The following CTNND2 variants were observed in gnomAD, a reference collection of about 807,000 sequenced individuals.
The protein encoded by CTNND2 is catenin delta-2.
In CTNND2, 22 loss-of-function variants were observed where a neutral mutation model predicts 144.4. The ratio of observed to expected loss-of-function variants is 0.15; its 90% CI spans 0.11 to 0.22. CTNND2 has a LOEUF of 0.22. CTNND2 is among the 10% of genes least tolerant of loss of function. The probability of loss-of-function intolerance (pLI) is 1.00; values close to 1 mark genes in which losing one functional copy is unlikely to be tolerated. For missense variants in CTNND2, 1,353 were observed against 1,618.8 expected (o/e 0.84, Z 2.82); for synonymous variants, 751 against 695.6 (o/e 1.08, Z -1.25).
intron 1 of CTNND2, among the ~76,000 whole-genome samples, chr5:11,863,497 C>T (rs564620722): frequency 8.5e-5 from 13 of 152,220 alleles, no homozygotes; most frequent in East Asian, 7.7e-4. Context: ...TAATAACTTC[C>T]GGCAGTAAAT....
At chr5:11,823,687 G>A (rs562120880) in intron 1 of CTNND2, among the ~76,000 whole-genome samples, 1 of 152,218 alleles carries the variant, frequency 6.6e-6, no homozygotes, top group East Asian at 1.9e-4. Context: ...TTCATGCTAT[G>A]TAAAAGGTTT....
chr5:11,077,611 T>C (rs561944656), intron 16 of CTNND2, among the ~76,000 whole-genome samples: 26 of 152,174 alleles, frequency 1.7e-4, no homozygotes, highest in Middle Eastern at 6.8e-3. Context: ...TACACTGAGA[T>C]GAGGAGGGTT....
chr5:11,812,332 G>A (rs1273150577), intron 1 of CTNND2, among the ~76,000 whole-genome samples: 1 of 152,066 alleles, frequency 6.6e-6, no homozygotes, highest in Admixed American at 6.6e-5. Flanking sequence ...GGCATAAGAG[G>A]TCAGTTTCAA....
chr5:11,146,152 A>ACGT (rs34396309), intron 12 of CTNND2, among the ~76,000 whole-genome samples: 95,691 of 151,812 alleles, frequency 0.63, 30,179 homozygotes, highest in East Asian at 0.73. Context: ...CACAACTGTC[A>ACGT]CTTCCTCATC....
In CTNND2 at chr5:11,903,800, C is replaced by A. The variant is rs971434286; in HGVS notation, c.37+17G>T. On this transcript the variant is annotated intron_variant, in intron 1 of 21. Coordinates refer to ENST00000304623, the MANE Select transcript of CTNND2 (RefSeq NM_001332.4). This position sits in a 1 kb window ranked among gnomAD's most constrained non-coding sequence, Gnocchi z 5.4. Reference sequence around the variant, plus strand: ...GGAGGCTGCGCCCGGCCCCGGCCGCCCAGCCCCGCAACTCACCCAAAGGCG... The same window carrying A: ...GGAGGCTGCGCCCGGCCCCGGCCGCACAGCCCCGCAACTCACCCAAAGGCG... The A allele has an allele frequency of 4.7e-6, 7 of 1,479,328 alleles. No homozygotes were observed. In the African/African-American group the frequency reaches 7.3e-5, roughly 15 times the overall value. 91.6% of individuals were successfully genotyped at this position (1,479,328 alleles called of 1,614,324 possible). A position where few individuals can be genotyped will look rare whatever the true frequency, so the allele number is the denominator to read the frequency against.
intron 2 of CTNND2, among the ~76,000 whole-genome samples, chr5:11,675,704 C>CAT (rs555033807): frequency 1.3e-5 from 2 of 151,680 alleles, no homozygotes; most frequent in Non-Finnish European, 2.9e-5. Flanking sequence ...ACTGTTACAG[C>CAT]ATATATATAT....
At position 11,531,202 on chromosome 5, in the gene CTNND2, T is replaced by C. The variant is rs571449666; in HGVS notation, c.287+33742A>G. 3.9e-5 allele frequency among the ~76,000 whole-genome samples: 6 copies of C among 152,258 alleles called. No individual in the cohort carries two copies. In the East Asian group the frequency reaches 7.7e-4, roughly 20 times the overall value. On this transcript the variant is annotated intron_variant, in intron 3 of 21. Transcript: ENST00000304623. ...ACCTGGCCAAGGAACATGGGAATAG[T>C]ACCATGAAAATATGTCAAATACAGG...
intron 1 of CTNND2, among the ~76,000 whole-genome samples, chr5:11,834,461 G>A (rs1794067726): frequency 6.6e-6 from 1 of 152,142 alleles, no homozygotes; most frequent in Non-Finnish European, 1.5e-5. Flanking sequence ...AAGTATGTGA[G>A]GGTGATGAAT....
rs548282819 is a variant in CTNND2, at chr5:10,984,381, A to G, written c.3344-2535T>C. On this transcript the variant is annotated intron_variant, in intron 20 of 21. Coordinates refer to ENST00000304623, the MANE Select transcript of CTNND2 (RefSeq NM_001332.4). ...GATAGAAAATGTCACTTGAGGAATA[A>G]GGTGAAATTTTGTTTTTTCTGTTGC... Among the ~76,000 whole-genome samples, 201 of 152,366 alleles carry G rather than the reference A, an allele frequency of 1.3e-3. 4 individuals are homozygous for G. The highest frequency in any genetic ancestry group is 1.3e-3 in the Non-Finnish European group (91 of 68,044).
intron 2 of CTNND2, among the ~76,000 whole-genome samples, chr5:11,592,191 C>T (rs970849441): frequency 2.0e-5 from 3 of 150,992 alleles, no homozygotes; most frequent in Non-Finnish European, 4.4e-5. Context: ...TGCCTTCCTG[C>T]CTGCCTGCCT....
chr5:11,379,077 T>C (rs1473916820), intron 7 of CTNND2, among the ~76,000 whole-genome samples: 1 of 152,184 alleles, frequency 6.6e-6, no homozygotes, highest in African/African-American at 2.4e-5. Flanking sequence ...TGTCTACAAC[T>C]CGTATTTCTT....
chr5:11,203,812 G>A (rs1737762012), intron 10 of CTNND2, among the ~76,000 whole-genome samples: 2 of 152,222 alleles, frequency 1.3e-5, no homozygotes. Flanking sequence ...GCATACAAAT[G>A]ATTAAAATGG....
In CTNND2 at chr5:10,988,352, G is replaced by A. The variant is rs921166012; in HGVS notation, c.3212-110C>T. Reference sequence around the variant, plus strand: ...CATGGTCCCGCATCTCAATGCCTACGTGAGGACCTGATGGGTTTTCTTTTT... The same window carrying A: ...CATGGTCCCGCATCTCAATGCCTACATGAGGACCTGATGGGTTTTCTTTTT... On this transcript the variant is annotated intron_variant, in intron 19 of 21. Transcript: ENST00000304623. This position sits in a 1 kb window ranked among gnomAD's most constrained non-coding sequence, Gnocchi z 5.9. The A allele has an allele frequency of 3.4e-5, 45 of 1,315,576 alleles. No homozygotes were observed. In the African/African-American group the frequency reaches 3.8e-4, roughly 11 times the overall value. 81.5% of individuals were successfully genotyped at this position (1,315,576 alleles called of 1,614,324 possible). A position where few individuals can be genotyped will look rare whatever the true frequency, so the allele number is the denominator to read the frequency against.
At chr5:11,417,010 T>A (rs1237708542) in intron 3 of CTNND2, among the ~76,000 whole-genome samples, 2 of 152,114 alleles carry the variant, frequency 1.3e-5, no homozygotes, top group Non-Finnish European at 2.9e-5. Flanking sequence ...AAGACATCAG[T>A]GATGCTAGGA....
intron 2 of CTNND2, among the ~76,000 whole-genome samples, chr5:11,688,508 G>A (rs529798831): frequency 1.4e-3 from 211 of 152,304 alleles, no homozygotes; most frequent in African/African-American, 4.8e-3. Context: ...TCAGCAATAC[G>A]ATACAGTGAT....
chr5:11,057,374 C>T lies in CTNND2; in HGVS notation c.2788+25322G>A, dbSNP rs559402090. ...TTGAATCATGGGGACAGGTCTTTCT[C>T]GTGCTGTTCTCACGACAGTGAATAA... On this transcript the variant is annotated intron_variant, in intron 16 of 21. Coordinates refer to ENST00000304623, the MANE Select transcript of CTNND2 (RefSeq NM_001332.4). Among the ~76,000 whole-genome samples, 8 of 152,226 alleles carry T rather than the reference C, an allele frequency of 5.3e-5. No homozygotes were observed. The East Asian group carries it at 5.8e-4, about 11-fold the overall frequency.
intron 7 of CTNND2, among the ~76,000 whole-genome samples, chr5:11,375,479 C>T (rs1000176354): frequency 7.9e-5 from 12 of 152,262 alleles, no homozygotes; most frequent in African/African-American, 2.9e-4. Flanking sequence ...ATAAACAGTT[C>T]TAAGGAGAAC....
chr5:11,149,050 G>A (rs564321056), intron 12 of CTNND2, among the ~76,000 whole-genome samples: 27 of 152,304 alleles, frequency 1.8e-4, no homozygotes, highest in Admixed American at 6.5e-4. Flanking sequence ...CGCTGCTTCC[G>A]TGCACATTAA....
chr5:11,207,860 G>T (rs1325318530), intron 10 of CTNND2, among the ~76,000 whole-genome samples: 1 of 152,104 alleles, frequency 6.6e-6, no homozygotes, highest in African/African-American at 2.4e-5. Context: ...ATTTAACCTT[G>T]TTGTGGGTGT....
Sources: gnomAD v4.1 joint callset for allele counts (sites outside exome capture counted in the v4.1 genomes callset) on GRCh38, gnomAD v4.1.1 for gene constraint, Gnocchi (gnomAD v3.1) non-coding constraint, MANE v1.5 for transcripts, NCBI Gene and HGNC (gene_info 2026-07-23, HGNC 2026-07-21) for gene names.